ADARB2: variants seen among roughly 807,000 people sequenced by gnomAD.
The protein encoded by ADARB2 is adenosine deaminase RNA specific B2 (inactive), also known as inactive double-stranded RNA-specific editase B2.
A neutral mutation model predicts 62.2 loss-of-function variants in ADARB2; 25 were observed. The observed-to-expected ratio is 0.40, with a 90% confidence interval of 0.29 to 0.56. The LOEUF is 0.56. Among genes scored for constraint, ADARB2 ranks in the 20% least tolerant of loss-of-function variants. The pLI is 0.43. For synonymous variants in ADARB2, 572 were observed against 500.8 expected (o/e 1.14, Z -1.90); for missense variants, 1,071 against 1,077.4 (o/e 0.99, Z 0.08).
At chr10:1,677,851 G>A (rs1335121944) in intron 1 of ADARB2, among the ~76,000 whole-genome samples, 2 of 152,144 alleles carry the variant, frequency 1.3e-5, no homozygotes, top group East Asian at 1.9e-4. Context: ...AGGGACAGCC[G>A]GCAGGCCAGG....
At chr10:1,672,648 G>A (rs1048787067) in intron 1 of ADARB2, among the ~76,000 whole-genome samples, 10 of 149,908 alleles carry the variant, frequency 6.7e-5, no homozygotes, top group African/African-American at 2.5e-4. Context: ...CTCCTTGCAG[G>A]CCCCGCAAGG....
At chr10:1,247,714 C>T (rs940882081) in intron 4 of ADARB2, among the ~76,000 whole-genome samples, 9 of 152,182 alleles carry the variant, frequency 5.9e-5, no homozygotes, top group Non-Finnish European at 1.0e-4. Context: ...CAGATAAACA[C>T]GCTTTTCTTA....
At chr10:1,468,222 C>CG in intron 1 of ADARB2, among the ~76,000 whole-genome samples, 1 of 152,214 alleles carries the variant, frequency 6.6e-6, no homozygotes, top group South Asian at 2.1e-4. Context: ...CAGCCAAGCC[C>CG]GGTTGCCTCT....
intron 1 of ADARB2, among the ~76,000 whole-genome samples, chr10:1,443,344 C>T (rs1013418214): frequency 6.6e-6 from 1 of 152,194 alleles, no homozygotes; most frequent in Non-Finnish European, 1.5e-5. Context: ...TCCCTCAAAA[C>T]TAACTGTCTT....
At chr10:1,671,155 C>A (rs1345626567) in intron 1 of ADARB2, among the ~76,000 whole-genome samples, 1 of 152,228 alleles carries the variant, frequency 6.6e-6, no homozygotes, top group Non-Finnish European at 1.5e-5. Flanking sequence ...TACTTCTCCT[C>A]TTCCCAGGGA....
chr10:1,385,380 A>G (rs1832517123), intron 1 of ADARB2, among the ~76,000 whole-genome samples: 1 of 152,224 alleles, frequency 6.6e-6, no homozygotes, highest in Admixed American at 6.5e-5. Context: ...AATATTTTTA[A>G]GAATTTAAAA....
At chr10:1,681,293 A>T (rs1445789998) in intron 1 of ADARB2, among the ~76,000 whole-genome samples, 1 of 152,204 alleles carries the variant, frequency 6.6e-6, no homozygotes, top group African/African-American at 2.4e-5. Flanking sequence ...CATTTCTCTC[A>T]AATTCATTTC....
At chr10:1,292,011 G>C (rs1011673052) in intron 3 of ADARB2, 1 of 152,384 alleles carries the variant, frequency 6.6e-6, no homozygotes, top group South Asian at 2.1e-4. Context: ...GGGGCTGTTC[G>C]CGTCTGCCAC....
intron 8 of ADARB2, among the ~76,000 whole-genome samples, chr10:1,191,239 G>A (rs944690333): frequency 2.0e-5 from 3 of 152,052 alleles, no homozygotes; most frequent in African/African-American, 7.3e-5. Flanking sequence ...GGACCAGCGG[G>A]GCTCACGGTC....
intron 3 of ADARB2, among the ~76,000 whole-genome samples, chr10:1,298,234 C>A (rs1485098143): frequency 6.6e-6 from 1 of 152,156 alleles, no homozygotes; most frequent in Non-Finnish European, 1.5e-5. Flanking sequence ...AAAAAAATAA[C>A]ACAAGTTTAT....
At chr10:1,503,397 G>C (rs1012998029) in intron 1 of ADARB2, among the ~76,000 whole-genome samples, 1 of 151,244 alleles carries the variant, frequency 6.6e-6, no homozygotes, top group African/African-American at 2.4e-5. Flanking sequence ...TGTTGCCCAG[G>C]CTGGTCTCAT....
chr10:1,715,394 T>A (rs1300777840), intron 1 of ADARB2, among the ~76,000 whole-genome samples: 3 of 152,210 alleles, frequency 2.0e-5, no homozygotes, highest in Non-Finnish European at 4.4e-5. Context: ...AGTCACTAAG[T>A]GTGTTTTTAA....
chr10:1,576,771 C>T (rs1449500873), intron 1 of ADARB2, among the ~76,000 whole-genome samples: 1 of 152,104 alleles, frequency 6.6e-6, no homozygotes, highest in Admixed American at 6.5e-5. Context: ...AAGGAAAGGC[C>T]CTTGGGGACA....
chr10:1,522,130 A>T (rs1832081063), intron 1 of ADARB2, among the ~76,000 whole-genome samples: 1 of 152,332 alleles, frequency 6.6e-6, no homozygotes, highest in Non-Finnish European at 1.5e-5. Flanking sequence ...CATTCTGTGA[A>T]TGGTAATCAT....
At chr10:1,227,646 AAAC>A (rs1453253824) in intron 6 of ADARB2, among the ~76,000 whole-genome samples, 3 of 152,214 alleles carry the variant, frequency 2.0e-5, no homozygotes, top group Non-Finnish European at 2.9e-5. Context: ...AATTGGAGAC[AAAC>A]AACAAGAGGT....
At chr10:1,637,825 C>A (rs750598131) in intron 1 of ADARB2, among the ~76,000 whole-genome samples, 1 of 152,218 alleles carries the variant, frequency 6.6e-6, no homozygotes, top group Non-Finnish European at 1.5e-5. Flanking sequence ...CTGCTCCGGG[C>A]TGCCTCCTAA....
rs146917616 is a variant in ADARB2, at chr10:1,442,248, G to A, written c.101-63088C>T. Among the ~76,000 whole-genome samples, 96 of 152,282 alleles carry A rather than the reference G, an allele frequency of 6.3e-4. No homozygotes were observed. In the East Asian group the frequency reaches 0.012, roughly 20 times the overall value. On this transcript the variant is annotated intron_variant, in intron 1 of 9. Transcript: ENST00000381312. Reference sequence around the variant, plus strand: ...CTGGGGAAGATCAGAAGACAGCTCAGGTTTCCCTCCTTGGTAGGTGTGGTT... The same window carrying A: ...CTGGGGAAGATCAGAAGACAGCTCAAGTTTCCCTCCTTGGTAGGTGTGGTT...
At chr10:1,283,420 T>C (rs1253449093) in intron 3 of ADARB2, among the ~76,000 whole-genome samples, 1 of 152,196 alleles carries the variant, frequency 6.6e-6, no homozygotes, top group African/African-American at 2.4e-5. Context: ...AACAATCCTG[T>C]GAATTAATGG....
At chr10:1,482,421 C>T (rs568629859) in intron 1 of ADARB2, among the ~76,000 whole-genome samples, 2 of 152,130 alleles carry the variant, frequency 1.3e-5, no homozygotes, top group African/African-American at 4.8e-5. Context: ...TGAGATGAGC[C>T]GGCCATGAAA....
Sources: gnomAD v4.1 joint callset for allele counts (sites outside exome capture counted in the v4.1 genomes callset) on GRCh38, gnomAD v4.1.1 for gene constraint, MANE v1.5 for transcripts, NCBI Gene and HGNC (gene_info 2026-07-23, HGNC 2026-07-21) for gene names.